Variants in C3orf33 observed in about 807,000 individuals in gnomAD.
C3orf33 encodes the protein mitochondrial inner membrane subdomain organizer 1.
C3orf33 carries 23 observed loss-of-function variants against 28.7 expected under a neutral mutation model. That is an observed-to-expected ratio of 0.80 (90% CI 0.58 to 1.13). The LOEUF (loss-of-function observed/expected upper bound fraction) is 1.13, where lower values mean the gene tolerates loss of function less well. Among genes scored for constraint, C3orf33 ranks in the 50% most tolerant of loss-of-function variants. C3orf33 has a pLI of 0.00. For synonymous variants in C3orf33, 119 were observed against 120.5 expected (o/e 0.99, Z 0.08); for missense variants, 327 against 353.4 (o/e 0.93, Z 0.60).
chr3:155,767,860 T>G (rs1246192973), intron 3 of C3orf33, among the ~76,000 whole-genome samples, 191 bp from the exon 4 acceptor site: 3 of 152,166 alleles, frequency 2.0e-5, no homozygotes, highest in Non-Finnish European at 4.4e-5. Flanking sequence ...TATAACACAG[T>G]AATTTCAAAA....
chr3:155,775,824 C>G lies in C3orf33; in HGVS notation c.199G>C (p.Asp67His), dbSNP rs779189172. The part of the protein sequence containing the change: ...RLTSKFTSSS[D>H]IPVEFIRRNV... Reference sequence around the variant, plus strand: ...CTTCTTATAAATTCTACTGGAATATCCGAAGAGCTTGTAAATTTTGATGTC... The same window carrying G: ...CTTCTTATAAATTCTACTGGAATATGCGAAGAGCTTGTAAATTTTGATGTC... The change falls in exon 3 of 5, where the codon GAT becomes CAT. Residue 67 changes from aspartate (D) to histidine (H), a missense_variant. Transcript: ENST00000340171. The G allele has an allele frequency of 2.9e-5, 46 of 1,592,430 alleles. No individual in the cohort carries two copies. Among genetic ancestry groups the G allele is most frequent in the Non-Finnish European group, 3.9e-5 (46 of 1,164,716 alleles).
chr3:155,768,553 T>C lies in C3orf33; in HGVS notation c.323-884A>G, dbSNP rs189274524. 8.5e-5 allele frequency among the ~76,000 whole-genome samples: 13 copies of C among 152,268 alleles called. No individual in the cohort carries two copies. In the East Asian group the frequency reaches 2.3e-3, roughly 27 times the overall value. Reference sequence around the variant, plus strand: ...TAATTTTAATAACAAGATTTTACTTTAGATAAAATTTATAACTTTCCAAAA... The same window carrying C: ...TAATTTTAATAACAAGATTTTACTTCAGATAAAATTTATAACTTTCCAAAA... On this transcript the variant is annotated intron_variant, in intron 3 of 4. Transcript: ENST00000340171.
intron 2 of C3orf33, among the ~76,000 whole-genome samples, chr3:155,777,180 G>A (rs1215731335): frequency 6.6e-6 from 1 of 151,962 alleles, no homozygotes; most frequent in Non-Finnish European, 1.5e-5. Context: ...CGGGCGTGGT[G>A]GTGCATGCCT....
At chr3:155,805,197 T>G (rs978442689) in intron 1 of C3orf33, among the ~76,000 whole-genome samples, 1 of 149,098 alleles carries the variant, frequency 6.7e-6, no homozygotes, top group Non-Finnish European at 1.5e-5. Context: ...CACCAGTGGC[T>G]GATGCCTACA....
intron 2 of C3orf33, among the ~76,000 whole-genome samples, chr3:155,781,350 A>T (rs1476437039): frequency 6.6e-6 from 1 of 151,802 alleles, no homozygotes; most frequent in Non-Finnish European, 1.5e-5. Context: ...TTGCAGCCAA[A>T]CTCATCTGTA....
chr3:155,793,374 T>TAA (rs1413693772), intron 2 of C3orf33, among the ~76,000 whole-genome samples: 1 of 108,624 alleles, frequency 9.2e-6, no homozygotes, highest in African/African-American at 3.0e-5. Context: ...TCAATCTGAT[T>TAA]AAAAAAAAAA....
intron 4 of C3orf33, among the ~76,000 whole-genome samples, chr3:155,764,246 G>T (rs1642052255): frequency 6.6e-6 from 1 of 152,112 alleles, no homozygotes; most frequent in Non-Finnish European, 1.5e-5. Context: ...GGGGAAGTGG[G>T]ACACCCAAGA....
intron 2 of C3orf33, among the ~76,000 whole-genome samples, chr3:155,776,770 A>T (rs1050498831): frequency 1.2e-3 from 105 of 89,894 alleles, no homozygotes; most frequent in South Asian, 1.7e-3. Flanking sequence ...AAAAAAAAAA[A>T]AAAAAAAAAA....
At chr3:155,784,221 C>T (rs529819719) in intron 2 of C3orf33, among the ~76,000 whole-genome samples, 62 of 152,142 alleles carry the variant, frequency 4.1e-4, no homozygotes, top group Admixed American at 5.2e-4. Context: ...TGAGCCACCG[C>T]GCCCAGCCTA....
At chr3:155,788,360 A>C (rs1751204112) in intron 2 of C3orf33, among the ~76,000 whole-genome samples, 1 of 151,974 alleles carries the variant, frequency 6.6e-6, no homozygotes. Flanking sequence ...ATAGAAGGCA[A>C]CTACTTCAAC....
intron 2 of C3orf33, among the ~76,000 whole-genome samples, chr3:155,785,955 A>C (rs1254442097): frequency 6.6e-6 from 1 of 151,948 alleles, no homozygotes; most frequent in South Asian, 2.1e-4. Context: ...TGGGAGAATC[A>C]CCTGAGACAG....
intron 2 of C3orf33, among the ~76,000 whole-genome samples, chr3:155,790,220 C>CAAAAA (rs1210201908): frequency 2.0e-5 from 1 of 49,256 alleles, no homozygotes; most frequent in Non-Finnish European, 4.5e-5. Flanking sequence ...TATTCACATG[C>CAAAAA]AAAAAAGAAA....
At chr3:155,780,763 G>A (rs76353565) in intron 2 of C3orf33, among the ~76,000 whole-genome samples, 4,034 of 152,260 alleles carry the variant, frequency 0.026, 82 homozygotes, top group Non-Finnish European at 0.041. Context: ...TGTGACAGAG[G>A]ATGTAAACAA....
In C3orf33 at chr3:155,799,272, T is replaced by C. The variant is rs535234806; in HGVS notation, c.174+3260A>G. Among the ~76,000 whole-genome samples, 6 of 152,300 alleles carry C rather than the reference T, an allele frequency of 3.9e-5. No homozygotes were observed. The South Asian group carries it at 6.2e-4, about 16-fold the overall frequency. On this transcript the variant is annotated intron_variant, in intron 2 of 4. Transcript: ENST00000340171. ...GATCCAGCAATTCCACTATTAGATA[T>C]ATACCAAAAGAAAGGAAATCCGTAT...
chr3:155,788,261 A>T (rs180871413), intron 2 of C3orf33, among the ~76,000 whole-genome samples: 3,381 of 70,646 alleles, frequency 0.048, 115 homozygotes, highest in African/African-American at 0.1. Context: ...AGAATAAATT[A>T]AAAAAACACA....
intron 4 of C3orf33, among the ~76,000 whole-genome samples, chr3:155,765,817 G>C (rs1299653572): frequency 6.6e-6 from 1 of 152,032 alleles, no homozygotes; most frequent in African/African-American, 2.4e-5. Context: ...CAAAGTGCTG[G>C]GATTACAGGC....
At chr3:155,785,192 T>A (rs2109267416) in intron 2 of C3orf33, among the ~76,000 whole-genome samples, 1 of 152,158 alleles carries the variant, frequency 6.6e-6, no homozygotes, top group South Asian at 2.1e-4. Flanking sequence ...ATTATAAATA[T>A]TTATGTACCA....
intron 3 of C3orf33, among the ~76,000 whole-genome samples, chr3:155,774,884 C>T (rs1750693617): frequency 6.6e-6 from 1 of 151,998 alleles, no homozygotes; most frequent in African/African-American, 2.4e-5. Context: ...TAGCTAGCCT[C>T]CTCTTAATTC....
intron 2 of C3orf33, among the ~76,000 whole-genome samples, chr3:155,794,955 A>G (rs1160627169): frequency 6.6e-6 from 1 of 152,228 alleles, no homozygotes; most frequent in Admixed American, 6.5e-5. Context: ...TCCCAATATA[A>G]TAATAGCTGG....
Sources: allele counts gnomAD v4.1 joint callset (sites outside exome capture counted in the v4.1 genomes callset), GRCh38; gene constraint gnomAD v4.1.1; transcripts MANE v1.5; gene names NCBI Gene and HGNC (gene_info 2026-07-23, HGNC 2026-07-21).